The following TMPRSS6 variants were observed in gnomAD, a reference collection of about 807,000 sequenced individuals.
TMPRSS6 encodes transmembrane serine protease 6.
Under a neutral mutation model 101.5 loss-of-function variants are expected in TMPRSS6, and 67 were observed. The ratio of observed to expected loss-of-function variants is 0.66; its 90% confidence interval spans 0.54 to 0.81. The LOEUF (loss-of-function observed/expected upper bound fraction) is 0.81, where lower values mean the gene tolerates loss of function less well. Among genes scored for constraint, TMPRSS6 ranks in the 30% least tolerant of loss-of-function variants. TMPRSS6 has a pLI of 0.00. For synonymous variants in TMPRSS6, 453 were observed against 464.9 expected, an observed-to-expected ratio of 0.97 and a Z score of 0.33; for missense variants, 1,034 against 1,088.7, an observed-to-expected ratio of 0.95 and a Z score of 0.71.
At chr22:37,076,717 C>A (rs948523563) in intron 10 of TMPRSS6, among the ~76,000 whole-genome samples, 9 of 152,216 alleles carry the variant, frequency 5.9e-5, no homozygotes, top group African/African-American at 1.7e-4. Context: ...AGGTGGGACA[C>A]CCTTGCAGAA....
At chr22:37,068,477 G>T in intron 16 of TMPRSS6, 1 of 652,354 alleles carries the variant, frequency 1.5e-6, no homozygotes, top group Admixed American at 2.4e-5. Flanking sequence ...TGCGGTGGCC[G>T]CCAGGGACTC....
rs755076812 is a variant in TMPRSS6, at chr22:37,084,310, G to A, written c.1181C>T (p.Thr394Met). 49 of 1,613,374 alleles carry A rather than the reference G, an allele frequency of 3.0e-5. No individual in the cohort carries two copies. The highest frequency in any genetic ancestry group is 1.6e-4 in the Middle Eastern group (1 of 6,082). ...GAAGTGGTACCTCCTGTTCTGGATC[G>A]TCCACTGGCCCTGGGTGCACGGCAA... ...YDLPCTQGQW[T>M]IQNRRLCGLR... is the part of the protein sequence containing the mutation. The change falls in exon 10 of 18, where the codon ACG (threonine) becomes ATG (methionine). Residue 394 changes from threonine to methionine, a missense_variant. By Grantham distance (81) the Thr-to-Met change is moderately conservative (BLOSUM62 -1). Transcript: ENST00000676104.
At chr22:37,075,099 T>C (rs1569002017) in intron 11 of TMPRSS6, 36 bp downstream of exon 11, 28 of 1,613,546 alleles carry the variant, frequency 1.7e-5, no homozygotes, top group Non-Finnish European at 2.3e-5. Context: ...AGGCAGCGAG[T>C]CACTGCAGGG....
intron 16 of TMPRSS6, among the ~76,000 whole-genome samples, chr22:37,067,695 C>G (rs527961128): frequency 1.3e-5 from 2 of 152,168 alleles, no homozygotes; most frequent in Non-Finnish European, 2.9e-5. Context: ...CGCTTCTCCA[C>G]GAGGGCTGCA....
chr22:37,094,543 T>C (rs1177300136), intron 6 of TMPRSS6, among the ~76,000 whole-genome samples: 1 of 150,716 alleles, frequency 6.6e-6, no homozygotes, highest in Non-Finnish European at 1.5e-5. Context: ...TCAACAGAGA[T>C]GATAGATAGA....
intron 10 of TMPRSS6, among the ~76,000 whole-genome samples, chr22:37,081,930 T>C (rs2743820): frequency 0.35 from 52,922 of 152,086 alleles, 9,473 homozygotes; most frequent in African/African-American, 0.4. Flanking sequence ...AAATTCACCA[T>C]CAAGGCATCA....
At chr22:37,079,483 G>C (rs528141693) in intron 10 of TMPRSS6, among the ~76,000 whole-genome samples, 1 of 152,202 alleles carries the variant, frequency 6.6e-6, no homozygotes, top group Non-Finnish European at 1.5e-5. Flanking sequence ...AGAAGGGTGC[G>C]TGGGTGGATG....
intron 6 of TMPRSS6, among the ~76,000 whole-genome samples, chr22:37,093,384 CTTTTTTTTTTTTTTTTTT>C (rs67659825): frequency 1.2e-5 from 1 of 82,544 alleles, no homozygotes; most frequent in Non-Finnish European, 2.2e-5. Flanking sequence ...TTCTTTCTTT[CTTTTTTTTTTTTTTTTTT>C]TTTTTTTTTT....
At chr22:37,077,550 G>A (rs755087769) in intron 10 of TMPRSS6, among the ~76,000 whole-genome samples, 1 of 152,204 alleles carries the variant, frequency 6.6e-6, no homozygotes, top group Non-Finnish European at 1.5e-5. Flanking sequence ...GGTGACAGGC[G>A]AGTTTTCCAG....
chr22:37,072,968 G>T (rs1370439036), intron 13 of TMPRSS6, among the ~76,000 whole-genome samples: 2 of 150,580 alleles, frequency 1.3e-5, no homozygotes, highest in African/African-American at 2.5e-5. Flanking sequence ...ATGACGGATG[G>T]GTGGAAGGAT....
At chr22:37,094,394 G>GATAT (rs1929554936) in intron 6 of TMPRSS6, among the ~76,000 whole-genome samples, 1 of 144,472 alleles carries the variant, frequency 6.9e-6, no homozygotes, top group Non-Finnish European at 1.5e-5. Context: ...TAGATAGATA[G>GATAT]ATAGATAGAT....
rs754274221 is a variant in TMPRSS6 at position 37,070,660 on chromosome 22, TG to T, written c.1673-9del. On this transcript the variant is annotated splice_polypyrimidine_tract_variant and intron_variant, in intron 14 of 17. Coordinates refer to ENST00000676104, the MANE Select transcript of TMPRSS6 (RefSeq NM_001374504.1). ...GGCCCTGGAGGCCACAGTCTGGGGATGGGGGCAGGTGGTGGGGTGGACAGAG... is the reference window on the plus strand; with the variant it reads ...GGCCCTGGAGGCCACAGTCTGGGGATGGGGCAGGTGGTGGGGTGGACAGAG... The T allele has an allele frequency of 1.9e-6, 3 of 1,610,294 alleles. No homozygotes were observed. The Admixed American group carries it at 5.0e-5, about 27-fold the overall frequency.
chr22:37,076,349 T>G (rs1335503704), intron 10 of TMPRSS6, among the ~76,000 whole-genome samples: 2 of 152,120 alleles, frequency 1.3e-5, no homozygotes, highest in East Asian at 3.9e-4. Flanking sequence ...GGCAGCACCT[T>G]CTCTGTGCAT....
At chr22:37,087,153 G>T (rs1241490621) in intron 7 of TMPRSS6, among the ~76,000 whole-genome samples, 1 of 152,070 alleles carries the variant, frequency 6.6e-6, no homozygotes, top group Non-Finnish European at 1.5e-5. Context: ...TCTCAGACAG[G>T]GGTTCCCCAG....
intron 2 of TMPRSS6, among the ~76,000 whole-genome samples, chr22:37,099,310 G>A (rs1376243328): frequency 1.3e-5 from 2 of 152,246 alleles, no homozygotes; most frequent in Non-Finnish European, 2.9e-5. Flanking sequence ...AGCCTGTTTG[G>A]CTGGAGCAGT....
chr22:37,083,477 C>G (rs1184390855), intron 10 of TMPRSS6, among the ~76,000 whole-genome samples: 1 of 152,256 alleles, frequency 6.6e-6, no homozygotes, highest in Non-Finnish European at 1.5e-5. Flanking sequence ...TTAAATGTCC[C>G]CTTCCTTGAA....
chr22:37,098,679 A>G, intron 2 of TMPRSS6, 130 bp from the exon 3 acceptor site: 3 of 1,200,814 alleles, frequency 2.5e-6, no homozygotes, highest in Non-Finnish European at 3.7e-6. Flanking sequence ...TGGCACCATC[A>G]ATGTCATCAT....
At chr22:37,086,511 G>C (rs989180867) in intron 7 of TMPRSS6, 92 bp from the exon 8 acceptor site, 65 of 1,369,316 alleles carry the variant, frequency 4.7e-5, no homozygotes, top group Non-Finnish European at 6.3e-5. Context: ...AGGGTGGACG[G>C]GAGTCTGGAC....
intron 10 of TMPRSS6, among the ~76,000 whole-genome samples, chr22:37,079,557 A>C (rs550370471): frequency 2.0e-5 from 3 of 152,322 alleles, no homozygotes; most frequent in South Asian, 2.1e-4. Flanking sequence ...ACAGAAGGCA[A>C]GTGCTGAAGA....
Sources: allele counts gnomAD v4.1 joint callset (sites outside exome capture counted in the v4.1 genomes callset), GRCh38; gene constraint gnomAD v4.1.1; transcripts MANE v1.5; gene names NCBI Gene and HGNC (gene_info 2026-07-23, HGNC 2026-07-21).